Variants in ZFYVE28 observed in about 807,000 individuals in gnomAD.
ZFYVE28 encodes lateral signaling target protein 2 homolog.
A neutral mutation model predicts 82.1 loss-of-function variants in ZFYVE28; 40 were observed. The ratio of observed to expected loss-of-function variants is 0.49; its 90% CI spans 0.38 to 0.63. The LOEUF (loss-of-function observed/expected upper bound fraction) is 0.63. Ranked by LOEUF, ZFYVE28 falls within the 30% of genes least tolerant of loss-of-function variation. The pLI is 0.00. For missense variants in ZFYVE28, 1,321 were observed against 1,242.1 expected, an observed-to-expected ratio of 1.06 and a Z score of -0.96; for synonymous variants, 612 against 546.1, an observed-to-expected ratio of 1.12 and a Z score of -1.68.
chr4:2,397,841 C>T (rs930290823), intron 1 of ZFYVE28, among the ~76,000 whole-genome samples: 4 of 152,126 alleles, frequency 2.6e-5, no homozygotes, highest in Non-Finnish European at 2.9e-5. Flanking sequence ...TGTGGCTATT[C>T]GGAATGACAT....
chr4:2,286,522 TTCAGCCTGGG>T (rs1712770279), intron 8 of ZFYVE28: 1 of 152,318 alleles, frequency 6.6e-6, no homozygotes, highest in African/African-American at 2.4e-5. Flanking sequence ...GCACCTGGAT[TTCAGCCTGGG>T]GAGACCCTGA....
chr4:2,377,566 T>C (rs1465544619), intron 1 of ZFYVE28, among the ~76,000 whole-genome samples: 4 of 152,324 alleles, frequency 2.6e-5, no homozygotes, highest in Middle Eastern at 3.4e-3. Flanking sequence ...GCCCCTTCAC[T>C]AGCAGTTCAT....
chr4:2,336,476 T>TCAAGA (rs1721707608), intron 5 of ZFYVE28, among the ~76,000 whole-genome samples: 1 of 152,180 alleles, frequency 6.6e-6, no homozygotes, highest in Non-Finnish European at 1.5e-5. Context: ...AACATCAAGG[T>TCAAGA]TACATCTTAA....
chr4:2,414,953 A>G (rs1009549856), intron 1 of ZFYVE28, among the ~76,000 whole-genome samples: 2 of 152,258 alleles, frequency 1.3e-5, no homozygotes, highest in Non-Finnish European at 2.9e-5. Flanking sequence ...ACCAACATCA[A>G]TAAAGCAGGA....
chr4:2,349,001 T>C (rs563249765), intron 2 of ZFYVE28, among the ~76,000 whole-genome samples: 10 of 152,310 alleles, frequency 6.6e-5, no homozygotes, highest in South Asian at 4.1e-4. Context: ...CCTTGTTTTC[T>C]GTTTATTGCA....
chr4:2,273,457 T>C lies in ZFYVE28; in HGVS notation c.2207-168A>G, dbSNP rs573513421. Among the ~76,000 whole-genome samples, 221 of 152,176 alleles carry C rather than the reference T, an allele frequency of 1.5e-3. No individual in the cohort carries two copies. The Middle Eastern group carries it at 0.02, about 14-fold the overall frequency. ...CCAACCCCTTGGGGGAGGATTCCCTTGCAAGAATAAAAACTCGGGAGTCGA... is the reference window on the plus strand; with the variant it reads ...CCAACCCCTTGGGGGAGGATTCCCTCGCAAGAATAAAAACTCGGGAGTCGA... On this transcript the variant is annotated intron_variant, in intron 9 of 12. Coordinates refer to ENST00000290974, the MANE Select transcript of ZFYVE28 (RefSeq NM_020972.3).
intron 5 of ZFYVE28, among the ~76,000 whole-genome samples, chr4:2,336,367 CA>C (rs1721688644): frequency 1.3e-5 from 2 of 152,148 alleles, no homozygotes; most frequent in African/African-American, 4.8e-5. Flanking sequence ...TCTCAAAGCA[CA>C]AAGAGTAAAA....
In ZFYVE28 at chr4:2,305,199, C is replaced by T. The variant is rs763562745; in HGVS notation, c.1141G>A (p.Gly381Arg). 44 of 1,603,406 alleles carry T rather than the reference C, an allele frequency of 2.7e-5. 1 individual carries two copies. The highest frequency in any genetic ancestry group is 2.2e-4 in the South Asian group (20 of 90,336). The change falls in exon 8 of 13, where the codon GGG (glycine) becomes AGG (arginine). Residue 381 changes from glycine to arginine, a missense_variant. Around this residue, in one of 2 missense-constraint regions of ZFYVE28, gnomAD observed 978 missense variants for 833.7 expected, o/e 1.17. Transcript: ENST00000290974. The stretch of plus-strand genomic sequence containing the variant: ...CGCGGTCTACCTGGAGAGGCCTCCC[C>T]GCCTGGGCTGCCCTCCGCTCCTGGC... ...HRPGAEGSPG[G>R]EASPGRPRLR...
rs1720900735 is a variant in ZFYVE28 at position 2,332,693 on chromosome 4, T to C, written c.701+3012A>G. On this transcript the variant is annotated intron_variant, in intron 6 of 12. Coordinates refer to ENST00000290974, the MANE Select transcript of ZFYVE28 (RefSeq NM_020972.3). The surrounding 1 kb of genome is among the most constrained non-coding windows in gnomAD (Gnocchi z 4.7). ...CCTGTCCGGCTCAAAGCGGTCGCTG[T>C]GGATGACGAGGAACAAGACGGGATC... Among the ~76,000 whole-genome samples, 1 of 152,138 alleles carries C rather than the reference T, an allele frequency of 6.6e-6. No homozygotes were observed. Among genetic ancestry groups the C allele is most frequent in the African/African-American group, 2.4e-5 (1 of 41,412 alleles).
chr4:2,343,394 G>A (rs1723089991), intron 2 of ZFYVE28: 1 of 152,102 alleles, frequency 6.6e-6, no homozygotes, highest in Admixed American at 6.5e-5. Flanking sequence ...ACTATGAGTG[G>A]GGAAGCATGA....
chr4:2,361,256 A>G (rs1281588801), intron 1 of ZFYVE28, among the ~76,000 whole-genome samples: 1 of 128,654 alleles, frequency 7.8e-6, no homozygotes, highest in Admixed American at 8.6e-5. Flanking sequence ...GAAAATATGC[A>G]CGAACAAAGC....
chr4:2,324,744 T>C (rs984177149), intron 6 of ZFYVE28: 4 of 160,186 alleles, frequency 2.5e-5, no homozygotes, highest in African/African-American at 4.8e-5. Flanking sequence ...GTGTCTTGTA[T>C]CCAGGAGTAG....
intron 1 of ZFYVE28, among the ~76,000 whole-genome samples, chr4:2,413,600 A>T (rs907015139): frequency 6.6e-6 from 1 of 152,202 alleles, no homozygotes; most frequent in Non-Finnish European, 1.5e-5. Context: ...GCTTTCCAGC[A>T]GCTCACCTCA....
intron 1 of ZFYVE28, among the ~76,000 whole-genome samples, chr4:2,411,633 G>A (rs1272841862): frequency 2.6e-5 from 4 of 152,382 alleles, no homozygotes; most frequent in South Asian, 2.1e-4. Context: ...GGACAGGAGT[G>A]TAAATCCCAG....
At position 2,409,512 on chromosome 4, in the gene ZFYVE28, C is replaced by T. The variant is rs146422876; in HGVS notation, c.39+8773G>A. Reference sequence around the variant, plus strand: ...AGTGCACCCAGCCTTTCAGGCTCCGCGACCCACACCCCCTTGCCACTCACA... The same window carrying T: ...AGTGCACCCAGCCTTTCAGGCTCCGTGACCCACACCCCCTTGCCACTCACA... On this transcript the variant is annotated intron_variant, in intron 1 of 12. Transcript: ENST00000290974. This position sits in a 1 kb window ranked among gnomAD's most constrained non-coding sequence, Gnocchi z 4.4. 6.6e-6 allele frequency among the ~76,000 whole-genome samples: 1 copy of T among 152,062 alleles called. No homozygotes were observed. The highest frequency in any genetic ancestry group is 1.9e-4 in the East Asian group (1 of 5,166).
chr4:2,365,598 C>G (rs1560290311), intron 1 of ZFYVE28, among the ~76,000 whole-genome samples: 1 of 152,114 alleles, frequency 6.6e-6, no homozygotes, highest in Non-Finnish European at 1.5e-5. Context: ...CCTGGCCCAA[C>G]CTGGGGGCAA....
chr4:2,330,850 G>A, intron 6 of ZFYVE28: 3 of 1,535,402 alleles, frequency 2.0e-6, no homozygotes, highest in Non-Finnish European at 2.6e-6. Context: ...GTGGGGACTG[G>A]GGAGAGAGGA....
intron 1 of ZFYVE28, among the ~76,000 whole-genome samples, chr4:2,391,459 T>G (rs1729820479): frequency 6.7e-6 from 1 of 150,014 alleles, no homozygotes; most frequent in Non-Finnish European, 1.5e-5. Flanking sequence ...AATTATCTTT[T>G]TTTTTTTTTT....
intron 1 of ZFYVE28, among the ~76,000 whole-genome samples, chr4:2,379,539 G>A (rs1177301605): frequency 1.3e-5 from 2 of 152,118 alleles, no homozygotes; most frequent in Admixed American, 6.5e-5. Context: ...ACTCCTGGAC[G>A]ACAAATCGCC....
Sources: gnomAD v4.1 joint callset for allele counts (sites outside exome capture counted in the v4.1 genomes callset) on GRCh38, gnomAD v4.1.1 for gene constraint, gnomAD v4.1.1 regional missense constraint, Gnocchi (gnomAD v3.1) non-coding constraint, MANE v1.5 for transcripts, NCBI Gene and HGNC (gene_info 2026-07-23, HGNC 2026-07-21) for gene names.